Variants in SMU1 observed in about 807,000 individuals in gnomAD.
SMU1 encodes the protein WD40 repeat-containing protein SMU1.
SMU1 carries 2 observed loss-of-function variants against 62.0 expected under a neutral mutation model. That is an observed-to-expected ratio of 0.03 (90% CI 0.01 to 0.10). The LOEUF (loss-of-function observed/expected upper bound fraction) is 0.10, where lower values mean the gene tolerates loss of function less well. Among genes scored for constraint, SMU1 ranks in the 10% least tolerant of loss-of-function variants. SMU1 has a pLI of 1.00. For synonymous variants in SMU1, 188 were observed against 212.4 expected, an observed-to-expected ratio of 0.89 and a Z score of 1.00; for missense variants, 227 against 622.1, an observed-to-expected ratio of 0.36 and a Z score of 6.76.
chr9:33,046,631 C>T lies in SMU1; in HGVS notation c.*662G>A, dbSNP rs1054620536. On this transcript the variant is annotated 3_prime_UTR_variant, in exon 12 of 12. Coordinates refer to ENST00000397149, the MANE Select transcript of SMU1 (RefSeq NM_018225.3). The stretch of plus-strand genomic sequence containing the variant: ...ATGGGCCGGGCATGGTGGCTCACGC[C>T]TGTGATCCCAGCACTTTGGGAGGCC... The T allele has an allele frequency of 2.0e-5, 3 of 150,958 alleles. No homozygotes were observed. Among genetic ancestry groups the T allele is most frequent in the East Asian group, 1.9e-4 (1 of 5,156 alleles). The allele number at this position is 150,958 out of a possible 1,614,324, so 9.4% of individuals were successfully genotyped here. A position where few individuals can be genotyped will look rare whatever the true frequency, so the allele number is the denominator to read the frequency against.
At position 33,042,119 on chromosome 9, in the gene SMU1, A is replaced by G. The variant is rs1275171453; in HGVS notation, c.*5174T>C. 6.6e-6 allele frequency: 1 copy of G among 151,756 alleles called. No homozygotes were observed. The highest frequency in any genetic ancestry group is 2.4e-5 in the African/African-American group (1 of 41,124). The allele number at this position is 151,756 out of a possible 1,614,324, so 9.4% of individuals were successfully genotyped here. A position where few individuals can be genotyped will look rare whatever the true frequency, so the allele number is the denominator to read the frequency against. On this transcript the variant is annotated 3_prime_UTR_variant, in exon 12 of 12. Transcript: ENST00000397149. ...CCTAAGAACACTAAAAGAAAGTCAT[A>G]TTAGGTCGGTTGGTGCAAAAGTAAT...
chr9:33,052,708 C>T (rs1036587262), intron 10 of SMU1, among the ~76,000 whole-genome samples: 11 of 152,154 alleles, frequency 7.2e-5, no homozygotes, highest in Admixed American at 1.3e-4. Flanking sequence ...AAAAATACAC[C>T]GAGGACACTG....
chr9:33,063,785 C>G (rs1027164883), intron 4 of SMU1, among the ~76,000 whole-genome samples: 24 of 152,130 alleles, frequency 1.6e-4, no homozygotes, highest in Admixed American at 1.5e-3. Context: ...AACCCACCCC[C>G]CTGACACCCC....
Position 33,043,893 on chromosome 9 carries a change from C to T in SMU1, c.*3400G>A. On this transcript the variant is annotated 3_prime_UTR_variant, in exon 12 of 12. Coordinates refer to ENST00000397149, the MANE Select transcript of SMU1 (RefSeq NM_018225.3). Reference sequence around the variant, plus strand: ...TGGCTGCTTACATAGCAAGGAAGGGCTCAACAGAGGCCGTTAGTGGTAGTA... The same window carrying T: ...TGGCTGCTTACATAGCAAGGAAGGGTTCAACAGAGGCCGTTAGTGGTAGTA... 6.6e-6 allele frequency: 1 copy of T among 150,482 alleles called. No homozygotes were observed. 9.3% of individuals were successfully genotyped at this position (150,482 alleles called of 1,614,324 possible). A position where few individuals can be genotyped will look rare whatever the true frequency, so the allele number is the denominator to read the frequency against.
chr9:33,056,031 T>C lies in SMU1; in HGVS notation c.1122+82A>G. 4 of 1,395,480 alleles carry C rather than the reference T, an allele frequency of 2.9e-6. No individual in the cohort carries two copies. In the South Asian group the frequency reaches 5.7e-5, roughly 20 times the overall value. 86.4% of individuals were successfully genotyped at this position (1,395,480 alleles called of 1,614,324 possible). A position where few individuals can be genotyped will look rare whatever the true frequency, so the allele number is the denominator to read the frequency against. ...AAAGAGGTTTACTACAGCACAATCA[T>C]TCCCATTATCACCACTGAAAACTCC... is the stretch of plus-strand genomic sequence containing the variant. On this transcript the variant is annotated intron_variant, in intron 9 of 11. Coordinates refer to ENST00000397149, the MANE Select transcript of SMU1 (RefSeq NM_018225.3).
chr9:33,072,858 A>ACAAAAAC (rs1434562496), intron 2 of SMU1, among the ~76,000 whole-genome samples: 1 of 151,912 alleles, frequency 6.6e-6, no homozygotes, highest in Non-Finnish European at 1.5e-5. Context: ...AAACCCGTAA[A>ACAAAAAC]CAAAAACCAA....
chr9:33,066,505 T>A (rs376780361), intron 4 of SMU1, among the ~76,000 whole-genome samples: 122 of 100,094 alleles, frequency 1.2e-3, no homozygotes, highest in African/African-American at 3.2e-3. Context: ...TCCATTTAAT[T>A]AAAAAAAAAA....
rs1839129432 is a variant in SMU1, at chr9:33,041,877, C to T, written c.*5416G>A. 7.0e-6 allele frequency: 1 copy of T among 143,640 alleles called. No individual in the cohort carries two copies. The allele number at this position is 143,640 out of a possible 1,614,324, so 8.9% of individuals were successfully genotyped here. The stretch of plus-strand genomic sequence containing the variant: ...AAAAAGGACAAGTATTGTATAATTT[C>T]ACTTATATGAACTAAACTTAGACAA... On this transcript the variant is annotated 3_prime_UTR_variant, in exon 12 of 12. Transcript: ENST00000397149.
At chr9:33,069,369 G>C (rs1262351081) in intron 3 of SMU1, among the ~76,000 whole-genome samples, 1 of 152,182 alleles carries the variant, frequency 6.6e-6, no homozygotes, top group Non-Finnish European at 1.5e-5. Context: ...GTTAAATCCT[G>C]TCCTGGTAAT....
At chr9:33,059,515 G>A (rs1332943908) in intron 6 of SMU1, among the ~76,000 whole-genome samples, 2 of 151,334 alleles carry the variant, frequency 1.3e-5, no homozygotes, top group Non-Finnish European at 3.0e-5. Flanking sequence ...CCTTGAACCC[G>A]GGAGGCGGAG....
intron 8 of SMU1, 24 bp downstream of exon 8, chr9:33,056,813 A>T (rs1234852946): frequency 1.2e-6 from 2 of 1,608,188 alleles, no homozygotes; most frequent in Non-Finnish European, 8.5e-7. Flanking sequence ...CTCAAGTGAG[A>T]GCAGTTTTGG....
chr9:33,061,587 A>T (rs952538241), intron 5 of SMU1, among the ~76,000 whole-genome samples: 1 of 152,198 alleles, frequency 6.6e-6, no homozygotes, highest in African/African-American at 2.4e-5. Flanking sequence ...ATAAAAATAA[A>T]TAAAAAATTT....
chr9:33,075,148 G>A (rs1164518762), intron 1 of SMU1, among the ~76,000 whole-genome samples: 5 of 152,150 alleles, frequency 3.3e-5, no homozygotes, highest in Admixed American at 1.3e-4. Flanking sequence ...AGGCCGAGGC[G>A]GGCAGATCAC....
Position 33,056,846 on chromosome 9 carries a change from T to C in SMU1, c.986A>G (p.Gln329Arg), listed in dbSNP as rs1839309518. The change falls in exon 8 of 12, where the codon CAG (glutamine) becomes CGG (arginine). Residue 329 changes from glutamine to arginine, a missense_variant. Gln to Arg is a conservative substitution (Grantham distance 43). Coordinates refer to ENST00000397149, the MANE Select transcript of SMU1 (RefSeq NM_018225.3). ...TGGGATTTTTACTTACCTAATTGTC[T>C]GGTCAAAAGAAGCACTAAGGATCTG... The part of the protein sequence containing the change: ...SSQILSASFD[Q>R]TIRIHGLKSG... The C allele has an allele frequency of 1.2e-6, 2 of 1,611,768 alleles. No individual in the cohort carries two copies. Among genetic ancestry groups the C allele is most frequent in the African/African-American group, 1.3e-5 (1 of 74,798 alleles).
chr9:33,070,037 ATTAC>A (rs1302789396), intron 3 of SMU1, among the ~76,000 whole-genome samples: 1 of 152,060 alleles, frequency 6.6e-6, no homozygotes, highest in Non-Finnish European at 1.5e-5. Flanking sequence ...AGGCACGAGA[ATTAC>A]TTGGACCCAG....
intron 1 of SMU1, among the ~76,000 whole-genome samples, chr9:33,074,681 C>G (rs556822378): frequency 2.0e-5 from 3 of 151,804 alleles, no homozygotes; most frequent in South Asian, 4.1e-4. Flanking sequence ...AGGATTTGAT[C>G]AGATAATAGA....
chr9:33,069,067 T>C (rs1377180763), intron 3 of SMU1, 133 bp from the exon 4 acceptor site: 1 of 1,334,908 alleles, frequency 7.5e-7, no homozygotes, highest in Non-Finnish European at 9.8e-7. Context: ...AAGAAGGGAT[T>C]AGTTGAACTA....
In SMU1 at chr9:33,068,946, G is replaced by C. The variant is rs1396854297; in HGVS notation, c.391-12C>G. ...CCATCTGGGTATGCCTGAAAAAGGA[G>C]AGGGTGTAGCATCATTTCCAAGAAG... On this transcript the variant is annotated splice_polypyrimidine_tract_variant and intron_variant, in intron 3 of 11. Coordinates refer to ENST00000397149, the MANE Select transcript of SMU1 (RefSeq NM_018225.3). The C allele has an allele frequency of 5.6e-6, 9 of 1,613,750 alleles. No individual in the cohort carries two copies. Among genetic ancestry groups the C allele is most frequent in the Non-Finnish European group, 6.8e-6 (8 of 1,179,866 alleles).
chr9:33,056,072 G>A, intron 9 of SMU1, 41 bp downstream of exon 9: 36 of 1,573,120 alleles, frequency 2.3e-5, no homozygotes, highest in Non-Finnish European at 3.1e-5. Flanking sequence ...GGACAAAGAT[G>A]GGGTAGACAT....
Sources: gnomAD v4.1 joint callset for allele counts (sites outside exome capture counted in the v4.1 genomes callset) on GRCh38, gnomAD v4.1.1 for gene constraint, MANE v1.5 for transcripts, NCBI Gene and HGNC (gene_info 2026-07-23, HGNC 2026-07-21) for gene names.